The following MGMT variants were observed in gnomAD, a reference collection of about 807,000 sequenced individuals.
The protein encoded by MGMT is methylated-DNA--protein-cysteine methyltransferase.
MGMT carries 14 observed loss-of-function variants against 15.9 expected under a neutral mutation model. The observed-to-expected ratio is 0.88, with a 90% CI of 0.58 to 1.37. The LOEUF (loss-of-function observed/expected upper bound fraction) is 1.37. Among genes scored for constraint, MGMT ranks in the 40% most tolerant of loss-of-function variants. The pLI, the probability that MGMT is intolerant of heterozygous loss-of-function variation, is 0.00. For synonymous variants in MGMT, 130 were observed against 118.2 expected (o/e 1.10, Z -0.65); for missense variants, 282 against 268.1 (o/e 1.05, Z -0.36).
chr10:129,553,989 G>A (rs774085424), intron 2 of MGMT, among the ~76,000 whole-genome samples: 1 of 152,228 alleles, frequency 6.6e-6, no homozygotes, highest in Non-Finnish European at 1.5e-5. Flanking sequence ...CCCAGTCTGC[G>A]GACACAGTTG....
At chr10:129,638,436 AAAAAAAAAAG>A (rs200113183) in intron 2 of MGMT, among the ~76,000 whole-genome samples, 10,342 of 132,400 alleles carry the variant, frequency 0.078, 349 homozygotes, top group East Asian at 0.25. Flanking sequence ...AGGCAAAAAA[AAAAAAAAAAG>A]AAAAAAAAAA....
intron 1 of MGMT, among the ~76,000 whole-genome samples, chr10:129,479,075 A>C (rs1044389864): frequency 6.6e-6 from 1 of 152,198 alleles, no homozygotes; most frequent in African/African-American, 2.4e-5. Flanking sequence ...CTGTGACAGC[A>C]GTTGTATCAG....
At chr10:129,731,953 T>TA (rs752115485) in intron 3 of MGMT, among the ~76,000 whole-genome samples, 17 of 152,228 alleles carry the variant, frequency 1.1e-4, no homozygotes, top group African/African-American at 4.1e-4. Context: ...TTGTCACCTG[T>TA]AAGAGAATGA....
In MGMT at chr10:129,551,416, A is replaced by T. The variant is rs572925293; in HGVS notation, c.125+15039A>T. Among the ~76,000 whole-genome samples the T allele has an allele frequency of 2.0e-5, 3 of 152,172 alleles. No individual in the cohort carries two copies. The East Asian group carries it at 5.8e-4, about 30-fold the overall frequency. ...AAAGACAGAAGGCCCCGGGGATGAT[A>T]GGTGGGGCAGAGGGAGGGATGGAGA... is the stretch of plus-strand genomic sequence containing the variant. On this transcript the variant is annotated intron_variant, in intron 2 of 4. Coordinates refer to ENST00000651593, the MANE Select transcript of MGMT (RefSeq NM_002412.5).
In MGMT at chr10:129,761,180, G is replaced by A. The variant is rs191609212; in HGVS notation, c.414+1839G>A. ...CCCATGAGAACTGTGGATGCGAATG[G>A]GGTTTTGGGGGTGCTCTTCCTGCAT... On this transcript the variant is annotated intron_variant, in intron 4 of 4. Transcript: ENST00000651593. Among the ~76,000 whole-genome samples, 202 of 152,242 alleles carry A rather than the reference G, an allele frequency of 1.3e-3. 3 individuals are homozygous for A. The South Asian group carries it at 0.021, about 16-fold the overall frequency.
chr10:129,518,449 G>A (rs950215670), intron 1 of MGMT, among the ~76,000 whole-genome samples: 3 of 76,336 alleles, frequency 3.9e-5, no homozygotes, highest in African/African-American at 1.0e-4. Context: ...CTCAGCCACC[G>A]CAGAGACAGC....
At chr10:129,733,741 G>A (rs1381990772) in intron 3 of MGMT, among the ~76,000 whole-genome samples, 2 of 152,028 alleles carry the variant, frequency 1.3e-5, no homozygotes, top group South Asian at 4.1e-4. Context: ...TTTGTATAAG[G>A]TGTAAGGAAG....
At chr10:129,658,259 C>A (rs1005477149) in intron 2 of MGMT, among the ~76,000 whole-genome samples, 1 of 152,276 alleles carries the variant, frequency 6.6e-6, no homozygotes, top group African/African-American at 2.4e-5. Context: ...AGAGCGGCAC[C>A]ATTAGACTAA....
At chr10:129,470,170 A>T (rs1845214709) in intron 1 of MGMT, among the ~76,000 whole-genome samples, 2 of 152,158 alleles carry the variant, frequency 1.3e-5, no homozygotes, top group African/African-American at 4.8e-5. Context: ...AAGGATTTAT[A>T]TGGGAGGGAG....
At chr10:129,583,184 G>A (rs534489386) in intron 2 of MGMT, among the ~76,000 whole-genome samples, 41 of 152,258 alleles carry the variant, frequency 2.7e-4, no homozygotes, top group African/African-American at 9.6e-4. Flanking sequence ...ACTGCCTTGG[G>A]TGTACTTTAT....
intron 2 of MGMT, 113 bp downstream of exon 2, chr10:129,536,490 C>T (rs769803871): frequency 9.2e-6 from 12 of 1,308,374 alleles, no homozygotes; most frequent in Non-Finnish European, 1.0e-5. Flanking sequence ...GCCTTACCCC[C>T]ACAACCGCAA....
chr10:129,489,568 C>A (rs1202745912), intron 1 of MGMT, among the ~76,000 whole-genome samples: 1 of 152,002 alleles, frequency 6.6e-6, no homozygotes, highest in Non-Finnish European at 1.5e-5. Context: ...AGAATAAGAT[C>A]TTTAGGATAT....
At chr10:129,637,733 A>G (rs1847278340) in intron 2 of MGMT, among the ~76,000 whole-genome samples, 1 of 152,172 alleles carries the variant, frequency 6.6e-6, no homozygotes. Flanking sequence ...CCTTATAAGA[A>G]GAGGAGATTA....
intron 2 of MGMT, among the ~76,000 whole-genome samples, chr10:129,676,110 C>T (rs1847782511): frequency 6.6e-6 from 1 of 152,178 alleles, no homozygotes; most frequent in South Asian, 2.1e-4. Flanking sequence ...GTGGCCGTCC[C>T]ACACCCAGAT....
chr10:129,518,812 G>A (rs1456956609), intron 1 of MGMT, among the ~76,000 whole-genome samples: 3 of 151,376 alleles, frequency 2.0e-5, no homozygotes, highest in Admixed American at 6.6e-5. Flanking sequence ...TTAAGTTTTG[G>A]GGGAGTCAAA....
intron 1 of MGMT, among the ~76,000 whole-genome samples, chr10:129,470,573 G>A (rs753639582): frequency 1.3e-5 from 2 of 152,156 alleles, no homozygotes; most frequent in Non-Finnish European, 2.9e-5. Context: ...GCTTTGGCAG[G>A]TGTGGATCAC....
intron 3 of MGMT, among the ~76,000 whole-genome samples, chr10:129,752,095 G>A (rs1848756434): frequency 6.6e-6 from 1 of 151,900 alleles, no homozygotes; most frequent in South Asian, 2.1e-4. Flanking sequence ...TATTGAGAAA[G>A]AGGTGTTTAG....
chr10:129,624,378 G>C (rs539988507), intron 2 of MGMT, among the ~76,000 whole-genome samples: 1 of 152,136 alleles, frequency 6.6e-6, no homozygotes, highest in Non-Finnish European at 1.5e-5. Flanking sequence ...GTTGGACCCC[G>C]GGCCGTGTGT....
chr10:129,594,072 C>T (rs373036369), intron 2 of MGMT, among the ~76,000 whole-genome samples: 8 of 152,122 alleles, frequency 5.3e-5, no homozygotes, highest in African/African-American at 1.7e-4. Flanking sequence ...TATGCGAGGC[C>T]GGCAAAGAAT....
Sources: gnomAD v4.1 joint callset for allele counts (sites outside exome capture counted in the v4.1 genomes callset) on GRCh38, gnomAD v4.1.1 for gene constraint, MANE v1.5 for transcripts, NCBI Gene and HGNC (gene_info 2026-07-23, HGNC 2026-07-21) for gene names.